ZFYVE28: variants seen among roughly 807,000 people sequenced by gnomAD.
The protein encoded by ZFYVE28 is lateral signaling target protein 2 homolog.
A neutral mutation model predicts 82.1 loss-of-function variants in ZFYVE28; 40 were observed. The observed-to-expected ratio is 0.49, with a 90% CI of 0.38 to 0.63. The LOEUF (loss-of-function observed/expected upper bound fraction) is 0.63, where lower values mean the gene tolerates loss of function less well. ZFYVE28 is among the 30% of genes least tolerant of loss of function. ZFYVE28 has a pLI of 0.00. For missense variants in ZFYVE28, 1,321 were observed against 1,242.1 expected, an observed-to-expected ratio of 1.06 and a Z score of -0.96; for synonymous variants, 612 against 546.1, an observed-to-expected ratio of 1.12 and a Z score of -1.68.
chr4:2,392,807 C>G (rs1729976936), intron 1 of ZFYVE28, among the ~76,000 whole-genome samples: 1 of 152,170 alleles, frequency 6.6e-6, no homozygotes. Context: ...TCTTCCCATA[C>G]CCAATATTTA....
rs1732147570 is a variant in ZFYVE28, at chr4:2,408,358, C to CA, written c.39+9926dup. On this transcript the variant is annotated intron_variant, in intron 1 of 12. Coordinates refer to ENST00000290974, the MANE Select transcript of ZFYVE28 (RefSeq NM_020972.3). This position sits in a 1 kb window ranked among gnomAD's most constrained non-coding sequence, Gnocchi z 4.3. ...GAGAAGTGGAGGTGACAGCCCCCCC[C>CA]ATTTAATGGGGGCTGGCCCTATGGA... Among the ~76,000 whole-genome samples, 2 of 152,124 alleles carry CA rather than the reference C, an allele frequency of 1.3e-5. No individual in the cohort carries two copies. The highest frequency in any genetic ancestry group is 2.9e-5 in the Non-Finnish European group (2 of 67,998).
intron 7 of ZFYVE28, 52 bp from the exon 8 acceptor site, chr4:2,305,588 C>CACACG (rs760056450): frequency 1.8e-5 from 29 of 1,607,218 alleles, no homozygotes; most frequent in Non-Finnish European, 2.5e-5. Context: ...CCACACCAGC[C>CACACG]TCCTTGGCCA....
chr4:2,401,994 G>C (rs1298305120), intron 1 of ZFYVE28, among the ~76,000 whole-genome samples: 1 of 152,234 alleles, frequency 6.6e-6, no homozygotes, highest in South Asian at 2.1e-4. Context: ...AGCTCACGAC[G>C]ACCCTGAGGC....
At chr4:2,303,391 C>A (rs1418924181) in intron 8 of ZFYVE28, among the ~76,000 whole-genome samples, 1 of 152,212 alleles carries the variant, frequency 6.6e-6, no homozygotes. Context: ...CCACCTTCAT[C>A]CCCATCTGCT....
intron 1 of ZFYVE28, among the ~76,000 whole-genome samples, chr4:2,373,697 C>A (rs749924819): frequency 1.3e-5 from 2 of 152,062 alleles, no homozygotes; most frequent in Non-Finnish European, 1.5e-5. Context: ...CACTCGTATG[C>A]CCTGGCAGAA....
At chr4:2,273,522 C>T (rs867027700) in intron 9 of ZFYVE28, among the ~76,000 whole-genome samples, 36 of 152,224 alleles carry the variant, frequency 2.4e-4, no homozygotes, top group African/African-American at 7.7e-4. Flanking sequence ...CAGACAGCCC[C>T]GCCACAGTCG....
rs926890028 is a variant in ZFYVE28, at chr4:2,394,755, C to T, written c.39+23530G>A. 1.3e-5 allele frequency among the ~76,000 whole-genome samples: 2 copies of T among 152,220 alleles called. No homozygotes were observed. Among genetic ancestry groups the T allele is most frequent in the Non-Finnish European group, 2.9e-5 (2 of 68,046 alleles). On this transcript the variant is annotated intron_variant, in intron 1 of 12. Coordinates refer to ENST00000290974, the MANE Select transcript of ZFYVE28 (RefSeq NM_020972.3). This position sits in a 1 kb window ranked among gnomAD's most constrained non-coding sequence, Gnocchi z 4.0. ...GCATCGATGCCTGACTGCACGTGTG[C>T]GTGCTTCCATTACACTGTCGGCGGT...
At chr4:2,360,074 G>A (rs1027008855) in intron 1 of ZFYVE28, among the ~76,000 whole-genome samples, 14 of 152,006 alleles carry the variant, frequency 9.2e-5, no homozygotes, top group Non-Finnish European at 1.9e-4. Flanking sequence ...ATTTGAGGAG[G>A]CCTCCATGAT....
At chr4:2,291,694 T>C (rs1713729284) in intron 8 of ZFYVE28, among the ~76,000 whole-genome samples, 1 of 152,158 alleles carries the variant, frequency 6.6e-6, no homozygotes, top group African/African-American at 2.4e-5. Context: ...AGGCCTGGAC[T>C]CTGCCCAGCT....
intron 1 of ZFYVE28, among the ~76,000 whole-genome samples, chr4:2,404,324 A>AAAG (rs1560348048): frequency 2.2e-5 from 1 of 44,838 alleles, no homozygotes; most frequent in African/African-American, 8.6e-5. Flanking sequence ...AAAAAAAAAA[A>AAAG]AAAACGCTGA....
intron 8 of ZFYVE28, among the ~76,000 whole-genome samples, chr4:2,302,209 A>C (rs190748932): frequency 6.6e-6 from 1 of 152,390 alleles, no homozygotes; most frequent in African/African-American, 2.4e-5. Context: ...AAATTGAAGA[A>C]TATACTATAA....
At chr4:2,385,815 C>T (rs896723206) in intron 1 of ZFYVE28, among the ~76,000 whole-genome samples, 1 of 152,198 alleles carries the variant, frequency 6.6e-6, no homozygotes, top group Non-Finnish European at 1.5e-5. Context: ...GCTCCCAGCT[C>T]CTTGCTTAAG....
rs895251668 is a variant in ZFYVE28 at position 2,304,340 on chromosome 4, T to A, written c.2000A>T (p.His667Leu). 1 of 1,607,168 alleles carries A rather than the reference T, an allele frequency of 6.2e-7. No homozygotes were observed. Among genetic ancestry groups the A allele is most frequent in the Non-Finnish European group, 8.5e-7 (1 of 1,179,516 alleles). Reference protein sequence around the residue: ...GQQEPEARELHAGSPSAHEAP... With the variant: ...GQQEPEARELLAGSPSAHEAP... ...CTCGTGAGCCGAGGGGCTCCCAGCA[T>A]GCAGCTCTCTGGCCTCTGGCTCCTG... The change falls in exon 8 of 13, where the codon CAT (histidine) becomes CTT (leucine). Residue 667 changes from histidine to leucine, a missense_variant. His to Leu is a moderately conservative substitution (Grantham distance 99, BLOSUM62 -3). Around this residue, in one of 2 missense-constraint regions of ZFYVE28, gnomAD observed 978 missense variants for 833.7 expected, o/e 1.17. Coordinates refer to ENST00000290974, the MANE Select transcript of ZFYVE28 (RefSeq NM_020972.3).
chr4:2,399,825 C>T (rs1301829909), intron 1 of ZFYVE28, among the ~76,000 whole-genome samples: 5 of 152,234 alleles, frequency 3.3e-5, no homozygotes, highest in South Asian at 2.1e-4. Flanking sequence ...CGCTGCCGGA[C>T]GTGAGCCGTA....
chr4:2,378,772 C>T (rs1456562110), intron 1 of ZFYVE28, among the ~76,000 whole-genome samples: 1 of 152,214 alleles, frequency 6.6e-6, no homozygotes, highest in Admixed American at 6.5e-5. Flanking sequence ...CCAGCCAAAA[C>T]GACTACTTGT....
chr4:2,318,010 G>A (rs1161682602), intron 7 of ZFYVE28, among the ~76,000 whole-genome samples: 2 of 152,222 alleles, frequency 1.3e-5, no homozygotes, highest in Non-Finnish European at 2.9e-5. Context: ...TGGATTTCCT[G>A]CTTCCCCAGG....
chr4:2,289,690 T>C (rs893874083), intron 8 of ZFYVE28, among the ~76,000 whole-genome samples: 2 of 152,216 alleles, frequency 1.3e-5, no homozygotes, highest in Non-Finnish European at 2.9e-5. Context: ...CTTCCCATTT[T>C]ACAGACAAGT....
chr4:2,345,792 C>T (rs1265670800), intron 2 of ZFYVE28, among the ~76,000 whole-genome samples: 3 of 150,706 alleles, frequency 2.0e-5, no homozygotes, highest in South Asian at 2.1e-4. Flanking sequence ...TAAAGTAGCA[C>T]GAGAAAAAAG....
chr4:2,318,434 C>CT (rs1718550856), intron 7 of ZFYVE28, among the ~76,000 whole-genome samples: 1 of 152,056 alleles, frequency 6.6e-6, no homozygotes, highest in East Asian at 1.9e-4. Flanking sequence ...GGCGTACACC[C>CT]GTAATCCCAG....
Sources: gnomAD v4.1 joint callset for allele counts (sites outside exome capture counted in the v4.1 genomes callset) on GRCh38, gnomAD v4.1.1 for gene constraint, gnomAD v4.1.1 regional missense constraint, Gnocchi (gnomAD v3.1) non-coding constraint, MANE v1.5 for transcripts, NCBI Gene and HGNC (gene_info 2026-07-23, HGNC 2026-07-21) for gene names.